The following FAM200A variants were observed in gnomAD, a reference collection of about 807,000 sequenced individuals.
FAM200A encodes ZBED8 like, also known as protein FAM200A.
In FAM200A, 26 loss-of-function variants were observed where a neutral mutation model predicts 44.2. The ratio of observed to expected loss-of-function variants is 0.59; its 90% CI spans 0.43 to 0.82. The LOEUF (loss-of-function observed/expected upper bound fraction) is 0.82, where lower values mean the gene tolerates loss of function less well. Among genes scored for constraint, FAM200A ranks in the 40% least tolerant of loss-of-function variants. The pLI is 0.00. For missense variants in FAM200A, 606 were observed against 669.5 expected, an observed-to-expected ratio of 0.91 and a Z score of 1.05; for synonymous variants, 206 against 244.4, an observed-to-expected ratio of 0.84 and a Z score of 1.47.
upstream of FAM200A, among the ~76,000 whole-genome samples, chr7:99,552,788 A>G (rs1202161085): frequency 1.3e-5 from 2 of 152,020 alleles, no homozygotes; most frequent in African/African-American, 2.4e-5. Flanking sequence ...GTACAGCCCA[A>G]TAAGATAAAA....
upstream of FAM200A, among the ~76,000 whole-genome samples, chr7:99,555,807 G>A (rs1280533368): frequency 6.6e-6 from 1 of 152,160 alleles, no homozygotes; most frequent in African/African-American, 2.4e-5. Flanking sequence ...TAGGGAGGCT[G>A]AGGCAGGAGA....
chr7:99,553,084 T>TATATATACACAC (rs1562927130), upstream of FAM200A, among the ~76,000 whole-genome samples: 23 of 97,008 alleles, frequency 2.4e-4, no homozygotes, highest in South Asian at 7.9e-3. Flanking sequence ...TATATATATA[T>TATATATACACAC]ATATATATAT....
rs1247262997 is a variant in FAM200A at position 99,546,953 on chromosome 7, T to C, written c.1455A>G (p.Thr485=). The C allele has an allele frequency of 3.9e-6, 6 of 1,549,898 alleles. No homozygotes were observed. The East Asian group carries it at 1.5e-4, about 38-fold the overall frequency. Residue 485 remains threonine (T), a synonymous_variant, in exon 2 of 2, where the codon ACA becomes ACG. Coordinates refer to ENST00000449309, the MANE Select transcript of FAM200A (RefSeq NM_145111.4). The part of the protein sequence containing the change: ...NELLQLSSSF[T]LKNYYKILSL... ...TTAATATCTTATAATAATTCTTTAG[T>C]GTGAATGATGAACTGAGCTGCAATA...
Position 99,547,306 on chromosome 7 carries a change from T to C in FAM200A, c.1102A>G (p.Ile368Val), listed in dbSNP as rs893067668. Residue 368 changes from isoleucine (I) to valine (V), a missense_variant, in exon 2 of 2, where the codon ATA becomes GTA. Ile to Val is a conservative substitution (Grantham distance 29, BLOSUM62 3). Transcript: ENST00000449309. ...AGAATATGTTCAAGATACTGAAATATATCATTGTTTTTCCCCTGCATTTTC... is the reference window on the plus strand; with the variant it reads ...AGAATATGTTCAAGATACTGAAATACATCATTGTTTTTCCCCTGCATTTTC... ...SLKMQGKNND[I>V]FQYLEHILGF... The C allele has an allele frequency of 1.2e-5, 18 of 1,550,748 alleles. No homozygotes were observed. The African/African-American group carries it at 1.4e-4, about 12-fold the overall frequency.
rs893007591 is a variant in FAM200A, at chr7:99,547,701, G to A, written c.707C>T (p.Ala236Val). The A allele has an allele frequency of 2.6e-5, 40 of 1,551,422 alleles. No individual in the cohort carries two copies. Among genetic ancestry groups the A allele is most frequent in the Non-Finnish European group, 3.1e-5 (36 of 1,146,952 alleles). The change falls in exon 2 of 2, where the codon GCT (alanine) becomes GTT (valine). Residue 236 changes from alanine to valine, a missense_variant. Transcript: ENST00000449309. ...ATGAATAAAACAGTGATTCCAAACA[G>A]CATTGTTGTGGGTTGCTTCTAACAA... The part of the protein sequence containing the change: ...EKLLEATHNN[A>V]VWNHCFIHRE...
At chr7:99,558,347 G>A (rs1185609125) in exon 1 of FAM200A, 3 of 152,232 alleles carry the variant, frequency 2.0e-5, no homozygotes, top group African/African-American at 7.2e-5. Context: ...GGATGGGCTG[G>A]CGTCAGGGAG....
At position 99,552,004 on chromosome 7, in the gene FAM200A, C is replaced by T. The variant is rs1802544760; in HGVS notation, c.-250G>A. 1.0e-6 allele frequency: 1 copy of T among 985,572 alleles called. No homozygotes were observed. Among genetic ancestry groups the T allele is most frequent in the African/African-American group, 1.7e-5 (1 of 57,380 alleles). The allele number at this position is 985,572 out of a possible 1,614,324, so 61.1% of individuals were successfully genotyped here. A position where few individuals can be genotyped will look rare whatever the true frequency, so the allele number is the denominator to read the frequency against. ...AGCCATGCACGTCCAACTCTGTCCC[C>T]GCCCGGAGAAGTCTGGGATGCTGGG... On this transcript the variant is annotated 5_prime_UTR_variant, in exon 1 of 2. Transcript: ENST00000449309.
intron 1 of FAM200A, among the ~76,000 whole-genome samples, chr7:99,557,396 C>A (rs577622222): frequency 2.6e-5 from 4 of 152,170 alleles, no homozygotes; most frequent in Non-Finnish European, 2.9e-5. Flanking sequence ...GAACTCCAAA[C>A]CTTTAGCTCT....
chr7:99,546,619 C>A lies in FAM200A; in HGVS notation c.*67G>T. The A allele has an allele frequency of 7.0e-7, 1 of 1,428,490 alleles. No homozygotes were observed. Among genetic ancestry groups the A allele is most frequent in the Non-Finnish European group, 9.1e-7 (1 of 1,093,420 alleles). 88.5% of individuals were successfully genotyped at this position (1,428,490 alleles called of 1,614,324 possible). A position where few individuals can be genotyped will look rare whatever the true frequency, so the allele number is the denominator to read the frequency against. On this transcript the variant is annotated 3_prime_UTR_variant, in exon 2 of 2. Coordinates refer to ENST00000449309, the MANE Select transcript of FAM200A (RefSeq NM_145111.4). ...CAAGTGATCTGCCCACCTCGGTCTC[C>A]CACTGCTGGGATTACAGGCGTAAGC...
Position 99,547,965 on chromosome 7 carries a change from G to C in FAM200A, c.443C>G (p.Thr148Ser). The change falls in exon 2 of 2, where the codon ACT becomes AGT. Residue 148 changes from threonine (T) to serine (S), a missense_variant. By Grantham distance (58) the Thr-to-Ser change is moderately conservative. Coordinates refer to ENST00000449309, the MANE Select transcript of FAM200A (RefSeq NM_145111.4). ...GAGTGTGGGACAACTTGCAATATCA[G>C]TGCTCTCATCGAGTTGGATTGCAAA... ...IDFAIQLDES[T>S]DIASCPTLLV... The C allele has an allele frequency of 1.3e-6, 2 of 1,551,354 alleles. No homozygotes were observed. Among genetic ancestry groups the C allele is most frequent in the Non-Finnish European group, 1.7e-6 (2 of 1,146,988 alleles).
chr7:99,551,929 C>G lies in FAM200A; in HGVS notation c.-175G>C. The G allele has an allele frequency of 1.0e-6, 1 of 985,588 alleles. No homozygotes were observed. Among genetic ancestry groups the G allele is most frequent in the Non-Finnish European group, 1.2e-6 (1 of 830,046 alleles). 61.1% of individuals were successfully genotyped at this position (985,588 alleles called of 1,614,324 possible). A position where few individuals can be genotyped will look rare whatever the true frequency, so the allele number is the denominator to read the frequency against. On this transcript the variant is annotated 5_prime_UTR_variant, in exon 1 of 2. Coordinates refer to ENST00000449309, the MANE Select transcript of FAM200A (RefSeq NM_145111.4). The stretch of plus-strand genomic sequence containing the variant: ...CTGGCGCGAGGAACGGGGGCACGGA[C>G]CCGCTTCCACTCCGTCCCGGGCGGT...
chr7:99,547,656 T>C lies in FAM200A; in HGVS notation c.752A>G (p.Lys251Arg), dbSNP rs1345456082. ...CFIHREALVS[K>R]EISPSLMDVL... is the part of the protein sequence containing the mutation. ...ATCCATCAGACTTGGTGAAATTTCT[T>C]TGGATACCAAAGCTTCTCGATGAAT... The change falls in exon 2 of 2, where the codon AAA (lysine) becomes AGA (arginine). Residue 251 changes from lysine to arginine, a missense_variant. By Grantham distance (26) the Lys-to-Arg change is conservative. Coordinates refer to ENST00000449309, the MANE Select transcript of FAM200A (RefSeq NM_145111.4). The C allele has an allele frequency of 6.4e-7, 1 of 1,551,214 alleles. No homozygotes were observed. The highest frequency in any genetic ancestry group is 1.2e-5 in the South Asian group (1 of 83,828).
At position 99,548,501 on chromosome 7, in the gene FAM200A, G is replaced by A; in HGVS notation, c.-94C>T. ...CCTAGGTTTTATGAGATCAGGTTTT[G>A]CTATCCTGCAGGGTAGAAAAACGTA... On this transcript the variant is annotated 5_prime_UTR_variant, in exon 2 of 2. Transcript: ENST00000449309. 6.6e-7 allele frequency: 1 copy of A among 1,515,528 alleles called. No homozygotes were observed. Among genetic ancestry groups the A allele is most frequent in the Non-Finnish European group, 8.8e-7 (1 of 1,135,234 alleles). The allele number at this position is 1,515,528 out of a possible 1,614,324, so 93.9% of individuals were successfully genotyped here.
In FAM200A at chr7:99,551,818, T is replaced by C. The variant is rs1470542269; in HGVS notation, c.-100+36A>G. 6 of 985,294 alleles carry C rather than the reference T, an allele frequency of 6.1e-6. No individual in the cohort carries two copies. In the African/African-American group the frequency reaches 1.0e-4, roughly 17 times the overall value. 61.0% of individuals were successfully genotyped at this position (985,294 alleles called of 1,614,324 possible). On this transcript the variant is annotated intron_variant, in intron 1 of 1. Coordinates refer to ENST00000449309, the MANE Select transcript of FAM200A (RefSeq NM_145111.4). Reference sequence around the variant, plus strand: ...GCCTCTCTCCAGTCCCAGGGGTGTCTCCAATCCGGAAACCAAAACTTCGTT... The same window carrying C: ...GCCTCTCTCCAGTCCCAGGGGTGTCCCCAATCCGGAAACCAAAACTTCGTT...
At chr7:99,555,489 T>C (rs1802659614), upstream of FAM200A, among the ~76,000 whole-genome samples, 1 of 152,200 alleles carries the variant, frequency 6.6e-6, no homozygotes, top group South Asian at 2.1e-4. Flanking sequence ...CACACTCTTA[T>C]TGGGGTTTGC....
At chr7:99,551,684 A>G (rs1307691842) in intron 1 of FAM200A, among the ~76,000 whole-genome samples, 170 bp downstream of exon 1, 1 of 152,166 alleles carries the variant, frequency 6.6e-6, no homozygotes. Flanking sequence ...ACCACAAGAA[A>G]AACCAGTGGG....
intron 1 of FAM200A, among the ~76,000 whole-genome samples, chr7:99,550,732 T>C (rs1802508532): frequency 6.6e-6 from 1 of 152,088 alleles, no homozygotes; most frequent in Admixed American, 6.6e-5. Context: ...ATGTCAAGCA[T>C]AGATACCTCC....
At chr7:99,557,377 A>G (rs1802722942) in intron 1 of FAM200A, among the ~76,000 whole-genome samples, 1 of 152,202 alleles carries the variant, frequency 6.6e-6, no homozygotes, top group African/African-American at 2.4e-5. Context: ...GGAAATGGCA[A>G]CTCAGGAAGA....
chr7:99,553,295 T>C (rs1802608544), upstream of FAM200A, among the ~76,000 whole-genome samples: 3 of 151,510 alleles, frequency 2.0e-5, no homozygotes, highest in Non-Finnish European at 4.4e-5. Context: ...ACACTGTATT[T>C]TTCTTCTTTG....
Sources: allele counts gnomAD v4.1 joint callset (sites outside exome capture counted in the v4.1 genomes callset), GRCh38; gene constraint gnomAD v4.1.1; transcripts MANE v1.5; gene names NCBI Gene and HGNC (gene_info 2026-07-23, HGNC 2026-07-21).